Variants in PXDNL observed in about 807,000 individuals in gnomAD.
PXDNL encodes the protein probable oxidoreductase PXDNL.
PXDNL carries 145 observed loss-of-function variants against 150.8 expected under a neutral mutation model. The observed-to-expected ratio is 0.96, with a 90% CI of 0.84 to 1.10. PXDNL has a LOEUF of 1.10. Ranked by LOEUF, PXDNL falls within the 50% of genes least tolerant of loss-of-function variation. PXDNL has a pLI of 0.00. For missense variants in PXDNL, 2,087 were observed against 1,873.9 expected (o/e 1.11, Z -2.10); for synonymous variants, 757 against 725.7 (o/e 1.04, Z -0.69).
intron 6 of PXDNL, 98 bp downstream of exon 6, chr8:51,483,545 C>CA: frequency 5.2e-6 from 4 of 765,138 alleles, no homozygotes; most frequent in Non-Finnish European, 8.9e-6. Flanking sequence ...CAATGTCTTT[C>CA]ACAGGAAAAG....
At chr8:51,614,126 T>C (rs768255839) in intron 2 of PXDNL, among the ~76,000 whole-genome samples, 28 of 152,346 alleles carry the variant, frequency 1.8e-4, no homozygotes, top group South Asian at 1.0e-3. Flanking sequence ...GAAAAATAAC[T>C]TTCAGAATTA....
At chr8:51,786,345 A>G (rs2037460506) in intron 1 of PXDNL, among the ~76,000 whole-genome samples, 1 of 152,104 alleles carries the variant, frequency 6.6e-6, no homozygotes, top group African/African-American at 2.4e-5. Context: ...AGTAGCTGGG[A>G]CTACAGGCGC....
chr8:51,801,207 G>A (rs746785402), intron 1 of PXDNL, among the ~76,000 whole-genome samples: 1 of 152,114 alleles, frequency 6.6e-6, no homozygotes, highest in African/African-American at 2.4e-5. Context: ...GTTGAGATAA[G>A]GACTGAAATA....
intron 4 of PXDNL, among the ~76,000 whole-genome samples, chr8:51,506,489 C>A (rs936160815): frequency 3.5e-5 from 5 of 143,246 alleles, no homozygotes; most frequent in African/African-American, 1.1e-4. Flanking sequence ...TGCAGTGAGC[C>A]GAGATCGCAC....
At chr8:51,752,996 G>A (rs917663612) in intron 1 of PXDNL, among the ~76,000 whole-genome samples, 3 of 152,194 alleles carry the variant, frequency 2.0e-5, no homozygotes, top group African/African-American at 7.2e-5. Flanking sequence ...AGGCTTCGTG[G>A]CGACTGCCAA....
At chr8:51,803,400 C>T (rs1006692826) in intron 1 of PXDNL, among the ~76,000 whole-genome samples, 4 of 152,188 alleles carry the variant, frequency 2.6e-5, no homozygotes, top group African/African-American at 9.7e-5. Flanking sequence ...TCTCCCTGTC[C>T]TTCATAAAAA....
chr8:51,719,016 C>T (rs974290731), intron 1 of PXDNL, among the ~76,000 whole-genome samples: 1 of 151,940 alleles, frequency 6.6e-6, no homozygotes, highest in Admixed American at 6.6e-5. Context: ...ATCGGCCAGC[C>T]GCCCCGTCCG....
At chr8:51,652,065 C>G (rs1486624814) in intron 2 of PXDNL, among the ~76,000 whole-genome samples, 1 of 152,054 alleles carries the variant, frequency 6.6e-6, no homozygotes, top group African/African-American at 2.4e-5. Context: ...ATGTGGTTGG[C>G]ATTTTTTTAA....
rs1563307139 is a variant in PXDNL at position 51,744,071 on chromosome 8, AAGGAAGGAAGGAAG to A, written c.164+65096_164+65109del. Among the ~76,000 whole-genome samples the A allele has an allele frequency of 5.3e-3, 386 of 73,424 alleles. 10 individuals carry two copies. Among genetic ancestry groups the A allele is most frequent in the African/African-American group, 0.014 (228 of 16,062 alleles). 48.2% of individuals were successfully genotyped at this position (73,424 alleles called of 152,430 possible). A position where few individuals can be genotyped will look rare whatever the true frequency, so the allele number is the denominator to read the frequency against. The stretch of plus-strand genomic sequence containing the variant: ...GAAGGAAGGAAGGAAGGAAGGAAGG[AAGGAAGGAAGGAAG>A]GAAGGAAGGAAAGAAAGAAAGAAAG... On this transcript the variant is annotated intron_variant, in intron 1 of 22. Coordinates refer to ENST00000356297, the MANE Select transcript of PXDNL (RefSeq NM_144651.5).
intron 5 of PXDNL, among the ~76,000 whole-genome samples, chr8:51,498,160 T>A (rs1811101099): frequency 6.6e-6 from 1 of 151,650 alleles, no homozygotes; most frequent in African/African-American, 2.4e-5. Flanking sequence ...AAACCATCAT[T>A]CTCAGCAAAC....
chr8:51,693,453 G>A (rs894141753), intron 1 of PXDNL, among the ~76,000 whole-genome samples: 1 of 152,100 alleles, frequency 6.6e-6, no homozygotes, highest in Non-Finnish European at 1.5e-5. Context: ...TAAGTTTCTT[G>A]CACAACATAA....
intron 3 of PXDNL, among the ~76,000 whole-genome samples, chr8:51,564,525 C>T (rs1812776523): frequency 6.6e-6 from 1 of 151,394 alleles, no homozygotes; most frequent in Non-Finnish European, 1.5e-5. Context: ...CTCCCAACCT[C>T]CACCCTCAAG....
chr8:51,416,001 TAAAG>T (rs763361614), intron 14 of PXDNL, among the ~76,000 whole-genome samples: 111 of 152,340 alleles, frequency 7.3e-4, no homozygotes, highest in Non-Finnish European at 1.2e-3. Context: ...ATCTTAGAAA[TAAAG>T]AAACTAAAAT....
intron 5 of PXDNL, among the ~76,000 whole-genome samples, chr8:51,488,518 A>AT (rs773595651): frequency 5.9e-5 from 9 of 152,274 alleles, no homozygotes; most frequent in South Asian, 4.1e-4. Flanking sequence ...AGAAATAGAG[A>AT]TTTTTTCCAA....
intron 1 of PXDNL, among the ~76,000 whole-genome samples, chr8:51,759,882 CG>C (rs1364002015): frequency 6.6e-6 from 1 of 152,174 alleles, no homozygotes; most frequent in African/African-American, 2.4e-5. Context: ...GCAATGCCCT[CG>C]GGGCACCTAA....
At chr8:51,384,334 A>G (rs73579662) in intron 17 of PXDNL, among the ~76,000 whole-genome samples, 4,498 of 152,138 alleles carry the variant, frequency 0.03, 216 homozygotes, top group African/African-American at 0.1. Flanking sequence ...CACATGGTAC[A>G]AAATAATCTT....
intron 2 of PXDNL, among the ~76,000 whole-genome samples, chr8:51,604,824 C>A (rs1245505864): frequency 6.6e-6 from 1 of 152,162 alleles, no homozygotes; most frequent in African/African-American, 2.4e-5. Context: ...ATTGTGTCAT[C>A]TTCTGACACA....
At chr8:51,426,854 G>T (rs1277380629) in intron 12 of PXDNL, 96 bp from the exon 13 acceptor site, 4 of 665,526 alleles carry the variant, frequency 6.0e-6, no homozygotes, top group Non-Finnish European at 1.0e-5. Flanking sequence ...ATGCCATATT[G>T]GTTAAGCACA....
chr8:51,413,709 GA>G (rs1309584755), intron 14 of PXDNL, among the ~76,000 whole-genome samples: 1 of 151,932 alleles, frequency 6.6e-6, no homozygotes, highest in East Asian at 1.9e-4. Context: ...AGATTTATGG[GA>G]AAATTAATTT....
Sources: allele counts gnomAD v4.1 joint callset (sites outside exome capture counted in the v4.1 genomes callset), GRCh38; gene constraint gnomAD v4.1.1; transcripts MANE v1.5; gene names NCBI Gene and HGNC (gene_info 2026-07-23, HGNC 2026-07-21).